BIRC6: variants seen among roughly 807,000 people sequenced by gnomAD.
The protein encoded by BIRC6 is baculoviral IAP repeat containing 6.
BIRC6 carries 98 observed loss-of-function variants against 503.3 expected under a neutral mutation model. The observed-to-expected ratio is 0.19, with a 90% CI of 0.17 to 0.23. The LOEUF is 0.23. Ranked by LOEUF, BIRC6 falls within the 10% of genes least tolerant of loss-of-function variation. The pLI, the probability that BIRC6 is intolerant of heterozygous loss-of-function variation, is 1.00. For missense variants in BIRC6, 5,360 were observed against 5,806.0 expected (o/e 0.92, Z 2.50); for synonymous variants, 2,240 against 2,078.7 (o/e 1.08, Z -2.11).
chr2:32,545,522 T>C (rs1308870237), intron 62 of BIRC6, 121 bp from the exon 63 acceptor site: 1 of 814,202 alleles, frequency 1.2e-6, no homozygotes, highest in African/African-American at 1.7e-5. Context: ...TTTGGTTTTC[T>C]AAATAATTTA....
At chr2:32,477,082 G>T (rs1177869216) in intron 34 of BIRC6, among the ~76,000 whole-genome samples, 3 of 152,166 alleles carry the variant, frequency 2.0e-5, no homozygotes, top group Admixed American at 6.5e-5. Flanking sequence ...TATTTATGTT[G>T]TTAGATTTGA....
At chr2:32,395,289 C>G (rs976061687) in intron 5 of BIRC6, among the ~76,000 whole-genome samples, 3 of 152,138 alleles carry the variant, frequency 2.0e-5, no homozygotes, top group African/African-American at 7.2e-5. Flanking sequence ...ATGTGTACCT[C>G]TCTTTGATTT....
At position 32,479,540 on chromosome 2, in the gene BIRC6, A is replaced by G; in HGVS notation, c.7331A>G (p.Asp2444Gly). Residue 2444 changes from aspartate (D) to glycine (G), a missense_variant, in exon 37 of 74, where the codon GAC becomes GGC. Around this residue, in one of 16 missense-constraint regions of BIRC6, gnomAD observed 2,299 missense variants for 2,267.2 expected, o/e 1.01. Coordinates refer to ENST00000421745, the MANE Select transcript of BIRC6 (RefSeq NM_016252.4). ...VGDDVGATAG[D>G]SDDSLQQSSV... ...GATGATGTAGGTGCGACAGCTGGTG[A>G]CTCTGATGACTCCCTTCAACAGTCC... The G allele has an allele frequency of 1.2e-6, 2 of 1,607,410 alleles. No homozygotes were observed. Among genetic ancestry groups the G allele is most frequent in the Non-Finnish European group, 1.7e-6 (2 of 1,176,604 alleles).
chr2:32,435,857 A>G (rs1426252819), intron 14 of BIRC6, among the ~76,000 whole-genome samples, 196 bp from the exon 15 acceptor site: 2 of 152,226 alleles, frequency 1.3e-5, no homozygotes, highest in Non-Finnish European at 2.9e-5. Context: ...GGTGAACTGT[A>G]AAATAATATG....
chr2:32,468,534 C>G lies in BIRC6; in HGVS notation c.5878C>G (p.Pro1960Ala), dbSNP rs146888085. ...ANNAQYFLRK[P>A]DKAVEEDSRV... The stretch of plus-strand genomic sequence containing the variant: ...CAATGCACAGTACTTTTTACGAAAA[C>G]CAGATAAGGCAGTTGAGGAAGACAG... Residue 1960 changes from proline (P) to alanine (A), a missense_variant, in exon 29 of 74, where the codon CCA (proline) becomes GCA (alanine). This residue lies in a region of BIRC6 where 2,299 missense variants were observed against 2,267.2 expected (regional missense o/e 1.01). Coordinates refer to ENST00000421745, the MANE Select transcript of BIRC6 (RefSeq NM_016252.4). 1.9e-6 allele frequency: 3 copies of G among 1,613,828 alleles called. No homozygotes were observed. Among genetic ancestry groups the G allele is most frequent in the African/African-American group, 2.7e-5 (2 of 74,922 alleles).
chr2:32,509,782 G>C lies in BIRC6; in HGVS notation c.10025G>C (p.Ser3342Thr). ...RLLHHCLTHI[S>T]DLEGMMASAA... is the part of the protein sequence containing the mutation. Reference sequence around the variant, plus strand: ...TTACATCATTGCCTTACTCACATAAGTGATCTAGAAGGAATGATGGCAAGT... The same window carrying C: ...TTACATCATTGCCTTACTCACATAACTGATCTAGAAGGAATGATGGCAAGT... The change falls in exon 52 of 74, where the codon AGT becomes ACT. Residue 3342 changes from serine (S) to threonine (T), a missense_variant. This residue lies in a region of BIRC6 where 878 missense variants were observed against 928.9 expected (regional missense o/e 0.95). Transcript: ENST00000421745. 1 of 1,613,988 alleles carries C rather than the reference G, an allele frequency of 6.2e-7. No homozygotes were observed. Among genetic ancestry groups the C allele is most frequent in the Non-Finnish European group, 8.5e-7 (1 of 1,179,860 alleles).
chr2:32,499,489 C>A, intron 45 of BIRC6, 58 bp from the exon 46 acceptor site: 4 of 1,390,886 alleles, frequency 2.9e-6, no homozygotes, highest in Non-Finnish European at 3.8e-6. Flanking sequence ...TTAATCCTTT[C>A]TCTTGTTGTA....
At chr2:32,429,419 C>A in intron 11 of BIRC6, 124 bp downstream of exon 11, 1 of 728,286 alleles carries the variant, frequency 1.4e-6, no homozygotes, top group Non-Finnish European at 2.0e-6. Flanking sequence ...TGGTATGTTA[C>A]TCAATATTTG....
intron 1 of BIRC6, among the ~76,000 whole-genome samples, chr2:32,375,826 AGTGTTACCTTTTATGG>A: frequency 6.7e-6 from 1 of 149,812 alleles, no homozygotes; most frequent in Admixed American, 6.7e-5. Flanking sequence ...GAGCATCACT[AGTGTTACCTTTTATGG>A]GTTTCATAGT....
At chr2:32,461,451 C>G (rs2148827953) in intron 23 of BIRC6, among the ~76,000 whole-genome samples, 1 of 151,048 alleles carries the variant, frequency 6.6e-6, no homozygotes, top group African/African-American at 2.4e-5. Context: ...AGTGATCCAC[C>G]TACCTCAGCC....
At position 32,595,109 on chromosome 2, in the gene BIRC6, A is replaced by G. The variant is rs781152204; in HGVS notation, c.13577A>G (p.Glu4526Gly). Residue 4526 changes from glutamate (E) to glycine (G), a missense_variant, in exon 68 of 74, where the codon GAA (glutamate) becomes GGA (glycine). Transcript: ENST00000421745. ...KPLSVLKSLE[E>G]KYVAVMKKLQ... ...TTGTCAGTATTAAAGTCACTTGAAG[A>G]AAAATATGTGGCTGTTATGAAGAAA... 1.1e-5 allele frequency: 18 copies of G among 1,600,608 alleles called. No individual in the cohort carries two copies. The South Asian group carries it at 1.9e-4, about 17-fold the overall frequency.
intron 73 of BIRC6, among the ~76,000 whole-genome samples, chr2:32,613,510 A>G (rs975293307): frequency 5.9e-5 from 9 of 151,978 alleles, no homozygotes; most frequent in African/African-American, 1.9e-4. Context: ...CCTCCTGAGT[A>G]TCTGGGATTA....
intron 33 of BIRC6, among the ~76,000 whole-genome samples, chr2:32,473,745 G>C (rs1488412564): frequency 7.8e-6 from 1 of 128,344 alleles, no homozygotes; most frequent in Non-Finnish European, 1.7e-5. Context: ...GTGTGTGTGT[G>C]TGTGTATTTT....
At chr2:32,368,674 C>G (rs896518536) in intron 1 of BIRC6, among the ~76,000 whole-genome samples, 1 of 152,070 alleles carries the variant, frequency 6.6e-6, no homozygotes, top group East Asian at 1.9e-4. Context: ...CCTTTTGAAA[C>G]GGAGTCTCAC....
rs776763805 is a variant in BIRC6 at position 32,503,034 on chromosome 2, A to C, written c.9305-8A>C. ...ATCGATTTCATTTCATATTCTTTAT[A>C]AATTTAGGTGGTGTTCAGCTCATAT... On this transcript the variant is annotated splice_region_variant and splice_polypyrimidine_tract_variant and intron_variant, in intron 48 of 73. Transcript: ENST00000421745. The C allele has an allele frequency of 2.6e-6, 4 of 1,564,728 alleles. No individual in the cohort carries two copies. The highest frequency in any genetic ancestry group is 3.5e-6 in the Non-Finnish European group (4 of 1,154,392).
At chr2:32,425,942 A>G (rs563204775) in intron 10 of BIRC6, among the ~76,000 whole-genome samples, 5 of 152,336 alleles carry the variant, frequency 3.3e-5, no homozygotes, top group Admixed American at 2.0e-4. Context: ...AGGGCTGAGT[A>G]TGGAGGGGTA....
chr2:32,610,924 A>G (rs898186687), intron 72 of BIRC6, among the ~76,000 whole-genome samples: 6 of 151,698 alleles, frequency 4.0e-5, no homozygotes, highest in Non-Finnish European at 7.4e-5. Context: ...GCCTGCCACC[A>G]TGCCTGGCTA....
intron 1 of BIRC6, among the ~76,000 whole-genome samples, chr2:32,369,166 AC>A (rs142523893): frequency 0.069 from 10,539 of 152,260 alleles, 477 homozygotes; most frequent in Admixed American, 0.14. Flanking sequence ...ATAGACAAAA[AC>A]AGCTAGATAG....
intron 69 of BIRC6, 90 bp from the exon 70 acceptor site, chr2:32,599,649 G>A (rs1291412486): frequency 7.2e-7 from 1 of 1,383,952 alleles, no homozygotes; most frequent in Non-Finnish European, 1.0e-6. Context: ...AAAAACGAAG[G>A]TTGTTCTTAT....
Sources: gnomAD v4.1 joint callset for allele counts (sites outside exome capture counted in the v4.1 genomes callset) on GRCh38, gnomAD v4.1.1 for gene constraint, gnomAD v4.1.1 regional missense constraint, MANE v1.5 for transcripts, NCBI Gene and HGNC (gene_info 2026-07-23, HGNC 2026-07-21) for gene names.